PLB1: variants seen among roughly 807,000 people sequenced by gnomAD.
PLB1 encodes phospholipase B1, also known as phospholipase B1, membrane-associated.
A neutral mutation model predicts 227.4 loss-of-function variants in PLB1; 242 were observed. The observed-to-expected ratio is 1.06, with a 90% CI of 0.96 to 1.18. The LOEUF (loss-of-function observed/expected upper bound fraction) is 1.18. Among genes scored for constraint, PLB1 ranks in the 50% most tolerant of loss-of-function variants. PLB1 has a pLI of 0.00. For synonymous variants in PLB1, 757 were observed against 682.2 expected (o/e 1.11, Z -1.71); for missense variants, 1,858 against 1,816.3 (o/e 1.02, Z -0.42).
At chr2:28,611,582 T>A (rs901042697) in intron 43 of PLB1, among the ~76,000 whole-genome samples, 7 of 152,212 alleles carry the variant, frequency 4.6e-5, no homozygotes, top group African/African-American at 1.7e-4. Flanking sequence ...GAGCCAATTG[T>A]GAGTTTCTCT....
intron 26 of PLB1, among the ~76,000 whole-genome samples, chr2:28,586,531 G>T (rs1464854935): frequency 1.3e-5 from 2 of 152,166 alleles, no homozygotes; most frequent in Non-Finnish European, 2.9e-5. Flanking sequence ...AGACTAGGCT[G>T]CAAACAGCTA....
Position 28,592,977 on chromosome 2 carries a change from A to G in PLB1, c.2247+258A>G, listed in dbSNP as rs193088586. On this transcript the variant is annotated intron_variant, in intron 32 of 57. Coordinates refer to ENST00000327757, the MANE Select transcript of PLB1 (RefSeq NM_153021.5). The stretch of plus-strand genomic sequence containing the variant: ...GAACACCCAATAACACTTTTTTAAT[A>G]TATGTAAAAATATGTCATTCTGACT... 3.7e-3 allele frequency among the ~76,000 whole-genome samples: 559 copies of G among 152,284 alleles called. 1 individual carries two copies. Among genetic ancestry groups the G allele is most frequent in the Non-Finnish European group, 5.5e-3 (377 of 68,022 alleles).
chr2:28,642,626 C>T (rs1558987359), intron 57 of PLB1, among the ~76,000 whole-genome samples: 4 of 152,174 alleles, frequency 2.6e-5, no homozygotes, highest in Non-Finnish European at 4.4e-5. Flanking sequence ...GCCAAGGAAA[C>T]GCTGGTGAGA....
intron 21 of PLB1, among the ~76,000 whole-genome samples, chr2:28,576,756 G>A (rs1347364069): frequency 2.6e-5 from 4 of 152,188 alleles, no homozygotes; most frequent in African/African-American, 4.8e-5. Context: ...GAGTAGTTGA[G>A]TAATCATCCT....
At chr2:28,598,801 G>A (rs1225347673) in intron 35 of PLB1, 41 bp downstream of exon 35, 1 of 1,501,564 alleles carries the variant, frequency 6.7e-7, no homozygotes, top group Non-Finnish European at 9.3e-7. Flanking sequence ...AGAGCAGGGA[G>A]TGGAATGTGG....
chr2:28,602,986 G>A (rs1307830429), intron 39 of PLB1, 65 bp downstream of exon 39: 22 of 1,383,712 alleles, frequency 1.6e-5, no homozygotes, highest in Non-Finnish European at 2.2e-5. Flanking sequence ...CCCACATGCA[G>A]TGGTGATGCC....
At chr2:28,550,523 C>G (rs1334126188) in intron 16 of PLB1, among the ~76,000 whole-genome samples, 1 of 130,670 alleles carries the variant, frequency 7.7e-6, no homozygotes, top group African/African-American at 2.8e-5. Flanking sequence ...AACCTCAATA[C>G]AATTTTTTTT....
intron 37 of PLB1, 84 bp from the exon 38 acceptor site, chr2:28,601,815 G>A (rs766013990): frequency 2.1e-5 from 25 of 1,197,612 alleles, no homozygotes; most frequent in Non-Finnish European, 2.6e-5. Context: ...CTCAGGGCTG[G>A]AGCCAGAAGG....
In PLB1 at chr2:28,509,755, A is replaced by G. The variant is rs574993093; in HGVS notation, c.56-7053A>G. ...TATCCATGGGCTTGATGTCAAAACA[A>G]CCTTTCAAAAGGGGAGAGTTCCCTT... On this transcript the variant is annotated intron_variant, in intron 1 of 57. Coordinates refer to ENST00000327757, the MANE Select transcript of PLB1 (RefSeq NM_153021.5). Among the ~76,000 whole-genome samples the G allele has an allele frequency of 3.7e-4, 57 of 152,258 alleles. 1 individual carries two copies. The highest frequency in any genetic ancestry group is 1.3e-3 in the African/African-American group (53 of 41,560).
At chr2:28,621,311 C>T (rs1027555421) in intron 49 of PLB1, among the ~76,000 whole-genome samples, 1 of 152,156 alleles carries the variant, frequency 6.6e-6, no homozygotes, top group African/African-American at 2.4e-5. Context: ...TGGACCCGGG[C>T]GCTGTCCCTG....
chr2:28,636,005 GTATGTATGTATGAA>G (rs1689266614), intron 56 of PLB1, among the ~76,000 whole-genome samples: 3 of 133,710 alleles, frequency 2.2e-5, no homozygotes, highest in Admixed American at 7.9e-5. Flanking sequence ...GTATGTATGT[GTATGTATGTATGAA>G]TGTGTGTGTA....
intron 57 of PLB1, 144 bp downstream of exon 57, chr2:28,641,145 CCCA>C (rs1291170027): frequency 9.3e-6 from 7 of 751,886 alleles, no homozygotes; most frequent in Non-Finnish European, 1.5e-5. Flanking sequence ...CCCACCTGTC[CCCA>C]GTGCCACGGA....
intron 6 of PLB1, among the ~76,000 whole-genome samples, chr2:28,528,954 T>TA (rs1212647964): frequency 5.4e-5 from 8 of 149,452 alleles, no homozygotes; most frequent in Admixed American, 2.7e-4. Flanking sequence ...TTTTTTTTTT[T>TA]TTTTTTTTTT....
intron 54 of PLB1, among the ~76,000 whole-genome samples, chr2:28,631,189 C>T (rs889756086): frequency 6.6e-6 from 1 of 151,976 alleles, no homozygotes; most frequent in South Asian, 2.1e-4. Flanking sequence ...AAGGCTTAGC[C>T]CTGCCCTACT....
intron 56 of PLB1, 117 bp downstream of exon 56, chr2:28,633,156 T>C: frequency 1.3e-6 from 1 of 798,174 alleles, no homozygotes; most frequent in Non-Finnish European, 2.1e-6. Context: ...AAGCCCAAAG[T>C]GGCAGCACAC....
intron 13 of PLB1, among the ~76,000 whole-genome samples, chr2:28,542,285 A>G (rs1672618204): frequency 1.3e-5 from 2 of 152,156 alleles, no homozygotes; most frequent in Admixed American, 1.3e-4. Context: ...AAATACCCCC[A>G]TATTATACTT....
chr2:28,535,324 T>C (rs1452913854), intron 9 of PLB1, among the ~76,000 whole-genome samples: 2 of 152,264 alleles, frequency 1.3e-5, no homozygotes, highest in African/African-American at 4.8e-5. Flanking sequence ...TTTTTCCTAT[T>C]GCACAAAAAC....
chr2:28,541,195 A>G (rs1282761027), intron 12 of PLB1, among the ~76,000 whole-genome samples: 3 of 151,826 alleles, frequency 2.0e-5, no homozygotes, highest in South Asian at 4.1e-4. Context: ...TTAAATAAAT[A>G]AATAAATAAA....
At chr2:28,576,638 G>A (rs1420103058) in intron 21 of PLB1, among the ~76,000 whole-genome samples, 3 of 152,168 alleles carry the variant, frequency 2.0e-5, no homozygotes, top group African/African-American at 4.8e-5. Context: ...GCTGAGGCAC[G>A]AGAATTGCTT....
Sources: allele counts gnomAD v4.1 joint callset (sites outside exome capture counted in the v4.1 genomes callset), GRCh38; gene constraint gnomAD v4.1.1; transcripts MANE v1.5; gene names NCBI Gene and HGNC (gene_info 2026-07-23, HGNC 2026-07-21).